RASL12: variants seen among roughly 807,000 people sequenced by gnomAD.
The protein encoded by RASL12 is RAS like family 12.
RASL12 carries 16 observed loss-of-function variants against 22.9 expected under a neutral mutation model. The ratio of observed to expected loss-of-function variants is 0.70; its 90% CI spans 0.47 to 1.06. RASL12 has a LOEUF of 1.06. Among genes scored for constraint, RASL12 ranks in the 50% least tolerant of loss-of-function variants. The pLI is 0.00. For missense variants in RASL12, 306 were observed against 353.1 expected (o/e 0.87, Z 1.07); for synonymous variants, 159 against 152.2 (o/e 1.04, Z -0.33).
chr15:65,052,976 A>G (rs150408669), downstream of RASL12: 142 of 1,470,982 alleles, frequency 9.7e-5, no homozygotes, highest in African/African-American at 1.7e-3. Context: ...AAAAGAAAAG[A>G]TGCAGCCACC....
chr15:65,056,187 A>G (rs1386631329), intron 4 of RASL12, among the ~76,000 whole-genome samples: 1 of 152,166 alleles, frequency 6.6e-6, no homozygotes, highest in Non-Finnish European at 1.5e-5. Flanking sequence ...TTCCTGACCT[A>G]CTGCTGAGCT....
rs1173943312 is a variant in RASL12 at position 65,054,123 on chromosome 15, C to T, written c.*776G>A. Reference sequence around the variant, plus strand: ...TCACTGGAGTGACAACTTTCTTCTGCAGCCTGGATCATTAAGCTTGAGGGA... The same window carrying T: ...TCACTGGAGTGACAACTTTCTTCTGTAGCCTGGATCATTAAGCTTGAGGGA... On this transcript the variant is annotated 3_prime_UTR_variant, in exon 5 of 5. Transcript: ENST00000220062. The T allele has an allele frequency of 1.0e-6, 1 of 985,944 alleles. No individual in the cohort carries two copies. The highest frequency in any genetic ancestry group is 1.7e-5 in the African/African-American group (1 of 57,366). The allele number at this position is 985,944 out of a possible 1,614,324, so 61.1% of individuals were successfully genotyped here.
chr15:65,048,915 C>T (rs2086609878), downstream of RASL12, among the ~76,000 whole-genome samples: 1 of 148,046 alleles, frequency 6.8e-6, no homozygotes, highest in African/African-American at 2.5e-5. Flanking sequence ...GAGGCTGAGA[C>T]AGGAGAATCG....
chr15:65,066,303 G>A (rs1169575209), intron 1 of RASL12, among the ~76,000 whole-genome samples: 1 of 152,086 alleles, frequency 6.6e-6, no homozygotes, highest in Non-Finnish European at 1.5e-5. Flanking sequence ...TGTAATTCCA[G>A]TGCTTTGGGA....
At position 65,054,102 on chromosome 15, in the gene RASL12, T is replaced by C; in HGVS notation, c.*797A>G. 1.0e-6 allele frequency: 1 copy of C among 985,968 alleles called. No individual in the cohort carries two copies. The allele number at this position is 985,968 out of a possible 1,614,324, so 61.1% of individuals were successfully genotyped here. On this transcript the variant is annotated 3_prime_UTR_variant, in exon 5 of 5. Coordinates refer to ENST00000220062, the MANE Select transcript of RASL12 (RefSeq NM_016563.4). ...CTCCCTGGAGCCCTGGGTAACTCAC[T>C]GGAGTGACAACTTTCTTCTGCAGCC...
At chr15:65,055,321 C>G in intron 4 of RASL12, 47 bp from the exon 5 acceptor site, 1 of 1,468,916 alleles carries the variant, frequency 6.8e-7, no homozygotes, top group South Asian at 1.3e-5. Context: ...CAGGCTGTGC[C>G]AAGTCAGGCA....
At chr15:65,060,816 G>A (rs2086794050) in intron 2 of RASL12, among the ~76,000 whole-genome samples, 1 of 152,244 alleles carries the variant, frequency 6.6e-6, no homozygotes, top group Non-Finnish European at 1.5e-5. Flanking sequence ...GCCACTGGCA[G>A]CCAAGCTGGC....
chr15:65,068,123 C>T, upstream of RASL12: 2 of 1,027,984 alleles, frequency 1.9e-6, no homozygotes, highest in South Asian at 4.6e-5. The surrounding 1 kb of genome is among the most constrained non-coding windows in gnomAD (Gnocchi z 4.2). Flanking sequence ...AGGGAGGGAG[C>T]TCCTGCCGGC....
At chr15:65,049,895 AGGGGT>A, downstream of RASL12, 1 of 686,972 alleles carries the variant, frequency 1.5e-6, no homozygotes, top group Non-Finnish European at 2.4e-6. Context: ...CTTTGTTTCC[AGGGGT>A]CTTCACGGCT....
intron 1 of RASL12, among the ~76,000 whole-genome samples, chr15:65,067,078 A>G (rs2086886453): frequency 6.6e-6 from 1 of 152,096 alleles, no homozygotes; most frequent in Non-Finnish European, 1.5e-5. Flanking sequence ...AACACATTTG[A>G]TAAGAATGCA....
chr15:65,050,089 C>T (rs2086629720), downstream of RASL12: 3 of 1,551,318 alleles, frequency 1.9e-6, no homozygotes, highest in Non-Finnish European at 2.6e-6. Context: ...TTGGTTTTTT[C>T]GTGTGGAAGA....
At chr15:65,052,910 C>T, downstream of RASL12, 1 of 1,563,726 alleles carries the variant, frequency 6.4e-7, no homozygotes, top group Non-Finnish European at 8.7e-7. Context: ...TTGGGCGACC[C>T]AGTCCTGCCC....
upstream of RASL12, among the ~76,000 whole-genome samples, chr15:65,071,333 G>A (rs1007288808): frequency 6.6e-6 from 1 of 152,132 alleles, no homozygotes; most frequent in African/African-American, 2.4e-5. Flanking sequence ...AGGGAGGTTG[G>A]TGTGGGGTCG....
intron 1 of RASL12, among the ~76,000 whole-genome samples, chr15:65,066,488 CTG>C (rs2086880741): frequency 6.6e-6 from 1 of 151,766 alleles, no homozygotes; most frequent in South Asian, 2.1e-4. Context: ...GTACTCCAGC[CTG>C]AGTGACAGAG....
intron 1 of RASL12, among the ~76,000 whole-genome samples, chr15:65,067,365 G>T (rs576721059): frequency 1.3e-5 from 2 of 152,150 alleles, no homozygotes; most frequent in East Asian, 3.9e-4. Context: ...TAGGTCATAG[G>T]GGTGGGGGTT....
rs561046315 is a variant in RASL12, at chr15:65,065,352, T to C, written c.104-79A>G. On this transcript the variant is annotated intron_variant, in intron 1 of 4. Coordinates refer to ENST00000220062, the MANE Select transcript of RASL12 (RefSeq NM_016563.4). The stretch of plus-strand genomic sequence containing the variant: ...GGCCCCTCGTTTAAGGGAGGCCTTA[T>C]CTAACCTCTGTGATCCCCGGCTGAC... 72 of 1,345,940 alleles carry C rather than the reference T, an allele frequency of 5.3e-5. No individual in the cohort carries two copies. The East Asian group carries it at 1.7e-3, about 31-fold the overall frequency. 83.4% of individuals were successfully genotyped at this position (1,345,940 alleles called of 1,614,324 possible).
chr15:65,051,722 A>AGCAAAATTCAGCCTTC (rs1434011381), downstream of RASL12: 118 of 819,566 alleles, frequency 1.4e-4, 1 homozygote, highest in Middle Eastern at 2.7e-4. Context: ...CCTTTGGGAC[A>AGCAAAATTCAGCCTTC]GCAAAATTCA....
At chr15:65,055,498 C>T (rs1246255677) in intron 4 of RASL12, among the ~76,000 whole-genome samples, 1 of 152,212 alleles carries the variant, frequency 6.6e-6, no homozygotes, top group African/African-American at 2.4e-5. Flanking sequence ...AGCACAGTAC[C>T]TGGCACAGAG....
downstream of RASL12, chr15:65,050,131 G>C (rs1468473041): frequency 1.3e-6 from 2 of 1,528,294 alleles, no homozygotes; most frequent in South Asian, 2.4e-5. Context: ...CGGCAGGGGT[G>C]GGGGTGTGCC....
Sources: allele counts gnomAD v4.1 joint callset (sites outside exome capture counted in the v4.1 genomes callset), GRCh38; gene constraint gnomAD v4.1.1; non-coding constraint Gnocchi (gnomAD v3.1); transcripts MANE v1.5; gene names NCBI Gene and HGNC (gene_info 2026-07-23, HGNC 2026-07-21).